Variants in PRELID2 observed in about 807,000 individuals in gnomAD.
The protein encoded by PRELID2 is PRELI domain-containing protein 2.
In PRELID2, 25 loss-of-function variants were observed where a neutral mutation model predicts 28.4. The observed-to-expected ratio is 0.88, with a 90% CI of 0.64 to 1.23. The LOEUF is 1.23. Ranked by LOEUF, PRELID2 falls within the 50% of genes most tolerant of loss-of-function variation. The pLI, the probability that PRELID2 is intolerant of heterozygous loss-of-function variation, is 0.00. For synonymous variants in PRELID2, 76 were observed against 71.6 expected, an observed-to-expected ratio of 1.06 and a Z score of -0.31; for missense variants, 201 against 214.4, an observed-to-expected ratio of 0.94 and a Z score of 0.39.
At chr5:145,426,651 G>A in the PRELID2 span, among the ~76,000 whole-genome samples, 2 of 152,036 alleles carry the variant, frequency 1.3e-5, no homozygotes, top group South Asian at 2.1e-4. Flanking sequence ...ATAATCTTGT[G>A]TGACTTTTCC....
chr5:145,370,654 GA>G, the PRELID2 span, among the ~76,000 whole-genome samples: 1 of 152,142 alleles, frequency 6.6e-6, no homozygotes, highest in Admixed American at 6.6e-5. Flanking sequence ...CTAATTCTGC[GA>G]AGAATGTCTA....
the PRELID2 span, among the ~76,000 whole-genome samples, chr5:145,266,108 A>G: frequency 1.3e-5 from 2 of 152,146 alleles, no homozygotes; most frequent in Non-Finnish European, 2.9e-5. Flanking sequence ...AAACCCAAAC[A>G]AATCAGCAAG....
intron 1 of PRELID2, among the ~76,000 whole-genome samples, chr5:145,553,056 C>T (rs528523250): frequency 3.3e-5 from 5 of 152,116 alleles, no homozygotes; most frequent in African/African-American, 1.2e-4. Context: ...ACAATGGGGA[C>T]TTAAAAATGA....
At chr5:145,644,551 C>A (rs1293410652) in intron 1 of PRELID2, among the ~76,000 whole-genome samples, 1 of 152,026 alleles carries the variant, frequency 6.6e-6, no homozygotes, top group Non-Finnish European at 1.5e-5. Context: ...TTCTTGTCTT[C>A]TGCTAGCTTT....
At chr5:145,600,064 AT>A (rs1379561469) in intron 1 of PRELID2, among the ~76,000 whole-genome samples, 1 of 152,202 alleles carries the variant, frequency 6.6e-6, no homozygotes, top group African/African-American at 2.4e-5. Context: ...TATCTGTGAC[AT>A]TTTTAAAAGT....
chr5:145,292,107 CA>C, the PRELID2 span, among the ~76,000 whole-genome samples: 2 of 151,060 alleles, frequency 1.3e-5, no homozygotes, highest in African/African-American at 4.9e-5. Flanking sequence ...GTAGGCTCTA[CA>C]AAAAAAAGGT....
At chr5:145,765,281 T>C (rs1367942410) in intron 5 of PRELID2, among the ~76,000 whole-genome samples, 2 of 152,194 alleles carry the variant, frequency 1.3e-5, no homozygotes, top group Non-Finnish European at 2.9e-5. Context: ...GTTAAATAAC[T>C]TCTTGAAAGT....
In PRELID2 at chr5:145,819,979, A is replaced by T; in HGVS notation, c.173T>A (p.Ile58Asn). 6.2e-7 allele frequency: 1 copy of T among 1,607,716 alleles called. No homozygotes were observed. Among genetic ancestry groups the T allele is most frequent in the Non-Finnish European group, 8.5e-7 (1 of 1,176,578 alleles). Residue 58 changes from isoleucine (I) to asparagine (N), a missense_variant, in exon 3 of 7, where the codon ATC becomes AAC. Physicochemically the swap from Ile to Asn is moderately radical, Grantham distance 149. Transcript: ENST00000683046. Reference protein sequence around the residue: ...TGVIYRKRIAICQNVVPEILR... With the variant: ...TGVIYRKRIANCQNVVPEILR... ...AATTTCTGGAACCACGTTCTGACAG[A>T]TTGCAATCCTCTTTCTGTAGATGAC...
chr5:145,377,023 A>C, the PRELID2 span, among the ~76,000 whole-genome samples: 1 of 152,188 alleles, frequency 6.6e-6, no homozygotes, highest in Admixed American at 6.6e-5. Context: ...GTGGATATTT[A>C]GTGCTATAAA....
intron 1 of PRELID2, among the ~76,000 whole-genome samples, chr5:145,499,235 G>A (rs1752337044): frequency 1.3e-5 from 2 of 152,070 alleles, no homozygotes. Flanking sequence ...ACAACAGAGT[G>A]AGACTCCATC....
chr5:145,346,052 A>G, the PRELID2 span, among the ~76,000 whole-genome samples: 1 of 152,118 alleles, frequency 6.6e-6, no homozygotes, highest in Non-Finnish European at 1.5e-5. Flanking sequence ...CCATTTCTCT[A>G]AGAGTTCTCA....
chr5:145,274,904 C>T, the PRELID2 span, among the ~76,000 whole-genome samples: 2 of 152,074 alleles, frequency 1.3e-5, no homozygotes, highest in Non-Finnish European at 2.9e-5. Context: ...AGCTAGAAGT[C>T]TGAGATCAAG....
the PRELID2 span, among the ~76,000 whole-genome samples, chr5:145,301,919 T>C: frequency 6.9e-6 from 1 of 144,662 alleles, no homozygotes; most frequent in Admixed American, 7.4e-5. Context: ...GTCATCCAAC[T>C]TTATTCATTT....
At chr5:145,440,656 C>A in the PRELID2 span, among the ~76,000 whole-genome samples, 32 of 152,034 alleles carry the variant, frequency 2.1e-4, no homozygotes, top group African/African-American at 7.0e-4. Context: ...TAAATTAATT[C>A]CTCAGAATAA....
At chr5:145,755,852 C>A (rs1205029914), downstream of PRELID2, among the ~76,000 whole-genome samples, 1 of 152,176 alleles carries the variant, frequency 6.6e-6, no homozygotes, top group Non-Finnish European at 1.5e-5. Context: ...ATCACCATAC[C>A]TGGGCTCTAG....
the PRELID2 span, among the ~76,000 whole-genome samples, chr5:145,386,266 G>T: frequency 6.6e-6 from 1 of 151,992 alleles, no homozygotes; most frequent in Non-Finnish European, 1.5e-5. Flanking sequence ...ACAGCATGGA[G>T]GTGGAGGTAA....
chr5:145,451,683 G>A, the PRELID2 span, among the ~76,000 whole-genome samples: 1 of 152,040 alleles, frequency 6.6e-6, no homozygotes, highest in Non-Finnish European at 1.5e-5. Flanking sequence ...AAATCTGCAG[G>A]GTTTGATACA....
chr5:145,568,869 G>T (rs1752991611), intron 1 of PRELID2, among the ~76,000 whole-genome samples: 1 of 152,184 alleles, frequency 6.6e-6, no homozygotes, highest in South Asian at 2.1e-4. Context: ...CACTGTACCT[G>T]CCACCCCACC....
intron 1 of PRELID2, among the ~76,000 whole-genome samples, chr5:145,575,300 G>A (rs1753051352): frequency 6.6e-6 from 1 of 152,172 alleles, no homozygotes; most frequent in Admixed American, 6.5e-5. Context: ...GACATCTACA[G>A]GAAGATGCCT....
Sources: allele counts gnomAD v4.1 joint callset (sites outside exome capture counted in the v4.1 genomes callset), GRCh38; gene constraint gnomAD v4.1.1; transcripts MANE v1.5; gene names NCBI Gene and HGNC (gene_info 2026-07-23, HGNC 2026-07-21).